The following CSMD1 variants were observed in gnomAD, a reference collection of about 807,000 sequenced individuals.
The protein encoded by CSMD1 is CUB and Sushi multiple domains 1.
Under a neutral mutation model 417.5 loss-of-function variants are expected in CSMD1, and 213 were observed. The ratio of observed to expected loss-of-function variants is 0.51; its 90% CI spans 0.46 to 0.57. The LOEUF (loss-of-function observed/expected upper bound fraction) is 0.57, where lower values mean the gene tolerates loss of function less well. Among genes scored for constraint, CSMD1 ranks in the 20% least tolerant of loss-of-function variants. The pLI is 0.00. For missense variants in CSMD1, 6,923 were observed against 4,529.7 expected, an observed-to-expected ratio of 1.53 and a Z score of -15.17; for synonymous variants, 2,862 against 1,736.8, an observed-to-expected ratio of 1.65 and a Z score of -16.11.
chr8:3,949,324 T>G (rs1811447411), intron 5 of CSMD1, among the ~76,000 whole-genome samples: 1 of 152,174 alleles, frequency 6.6e-6, no homozygotes, highest in African/African-American at 2.4e-5. Context: ...CACTGAAATG[T>G]TGTAGCCTCT....
intron 3 of CSMD1, among the ~76,000 whole-genome samples, chr8:4,208,788 G>C (rs906549825): frequency 2.6e-5 from 4 of 152,290 alleles, no homozygotes; most frequent in African/African-American, 7.2e-5. Context: ...ATCAGAAGAA[G>C]AACATCTAGA....
intron 10 of CSMD1, among the ~76,000 whole-genome samples, chr8:3,553,928 C>T (rs10101348): frequency 0.46 from 70,567 of 151,982 alleles, 16,895 homozygotes; most frequent in East Asian, 0.55. Context: ...CAGACTTCTA[C>T]GTAATGGGGC....
intron 3 of CSMD1, among the ~76,000 whole-genome samples, chr8:4,367,482 T>C (rs760575954): frequency 6.6e-6 from 1 of 152,198 alleles, no homozygotes; most frequent in Non-Finnish European, 1.5e-5. Flanking sequence ...CAGTTTGAAA[T>C]CGGGTAGTGT....
intron 25 of CSMD1, among the ~76,000 whole-genome samples, chr8:3,296,131 C>G (rs912110905): frequency 6.6e-6 from 1 of 151,932 alleles, no homozygotes; most frequent in African/African-American, 2.4e-5. Flanking sequence ...GGAAAAGAAT[C>G]ACTGGGATAC....
At chr8:4,084,278 A>G (rs1419084541) in intron 3 of CSMD1, among the ~76,000 whole-genome samples, 3 of 151,990 alleles carry the variant, frequency 2.0e-5, no homozygotes, top group African/African-American at 4.8e-5. Context: ...AAAAATTGGA[A>G]AAATCTTTCA....
At chr8:3,812,237 G>T (rs990135301) in intron 5 of CSMD1, among the ~76,000 whole-genome samples, 4 of 152,102 alleles carry the variant, frequency 2.6e-5, no homozygotes, top group African/African-American at 9.7e-5. Context: ...ATACAGGAAA[G>T]GGAACTTCAC....
rs1252066787 is a variant in CSMD1, at chr8:3,586,145, T to G, written c.1213A>C (p.Ile405Leu). The G allele has an allele frequency of 6.8e-6, 11 of 1,612,130 alleles. No individual in the cohort carries two copies. Among genetic ancestry groups the G allele is most frequent in the Non-Finnish European group, 9.3e-6 (11 of 1,179,182 alleles). Residue 405 changes from isoleucine (I) to leucine (L), a missense_variant, in exon 9 of 70, where the codon ATC (isoleucine) becomes CTC (leucine). Ile to Leu is a conservative substitution (Grantham distance 5). Transcript: ENST00000635120. Reference sequence around the variant, plus strand: ...ACCGCAGGTGCCTTACCTCGGCAGATGGGCCTGTGGTCACTCCAAGCAGCG... The same window carrying G: ...ACCGCAGGTGCCTTACCTCGGCAGAGGGGCCTGTGGTCACTCCAAGCAGCG... ...TLAAWSDHRP[I>L]CRARTCGSNL...
At chr8:4,230,142 C>G (rs867684073) in intron 3 of CSMD1, among the ~76,000 whole-genome samples, 6 of 152,162 alleles carry the variant, frequency 3.9e-5, no homozygotes, top group Non-Finnish European at 8.8e-5. Flanking sequence ...AATGTGATGA[C>G]ATATTGCAGT....
At chr8:4,656,875 G>T (rs940265572) in intron 1 of CSMD1, among the ~76,000 whole-genome samples, 3 of 151,968 alleles carry the variant, frequency 2.0e-5, no homozygotes, top group Admixed American at 6.6e-5. Flanking sequence ...ATCAGCAGGG[G>T]CCCCCAACAT....
intron 1 of CSMD1, among the ~76,000 whole-genome samples, chr8:4,947,887 G>C (rs1349544119): frequency 6.6e-6 from 1 of 151,982 alleles, no homozygotes. Context: ...ATATTGCAAG[G>C]TGTGCGTCCA....
chr8:4,601,443 C>T (rs1427656238), intron 2 of CSMD1, among the ~76,000 whole-genome samples: 1 of 152,134 alleles, frequency 6.6e-6, no homozygotes, highest in Non-Finnish European at 1.5e-5. Flanking sequence ...CTACAGGGAT[C>T]ATCTCATCTG....
chr8:4,336,989 C>A (rs1800211640), intron 3 of CSMD1, among the ~76,000 whole-genome samples: 1 of 151,992 alleles, frequency 6.6e-6, no homozygotes, highest in South Asian at 2.1e-4. Context: ...TGTTTTCTTC[C>A]CAGAATGGCT....
intron 10 of CSMD1, among the ~76,000 whole-genome samples, chr8:3,527,839 C>T (rs1797818240): frequency 6.6e-6 from 1 of 152,222 alleles, no homozygotes; most frequent in African/African-American, 2.4e-5. Flanking sequence ...AGATGTGCAT[C>T]TCTTAACAGA....
At chr8:3,441,194 C>T (rs557146312) in intron 12 of CSMD1, among the ~76,000 whole-genome samples, 2 of 151,990 alleles carry the variant, frequency 1.3e-5, no homozygotes, top group Admixed American at 6.6e-5. Flanking sequence ...TTTCTCTCCC[C>T]GGGAGATCTG....
At chr8:4,156,607 A>G (rs904702090) in intron 3 of CSMD1, among the ~76,000 whole-genome samples, 1 of 152,048 alleles carries the variant, frequency 6.6e-6, no homozygotes, top group African/African-American at 2.4e-5. Flanking sequence ...ACAATATTAA[A>G]AACAATGGGA....
chr8:3,414,549 T>C (rs968517967), intron 12 of CSMD1, among the ~76,000 whole-genome samples: 6 of 152,180 alleles, frequency 3.9e-5, no homozygotes, highest in Non-Finnish European at 7.4e-5. Flanking sequence ...CCATTTTCTG[T>C]GTTGCAGCCA....
At chr8:3,977,725 A>T (rs1272711425) in intron 5 of CSMD1, among the ~76,000 whole-genome samples, 1 of 152,204 alleles carries the variant, frequency 6.6e-6, no homozygotes, top group African/African-American at 2.4e-5. Context: ...TGGAAATGAA[A>T]TATTAATTTT....
chr8:4,561,761 C>A (rs922642169), intron 2 of CSMD1, among the ~76,000 whole-genome samples: 1 of 152,158 alleles, frequency 6.6e-6, no homozygotes, highest in Non-Finnish European at 1.5e-5. Flanking sequence ...ATTTTGCAGA[C>A]ACTTTACCTG....
chr8:4,464,181 G>T (rs745590662), intron 2 of CSMD1, among the ~76,000 whole-genome samples: 2 of 152,110 alleles, frequency 1.3e-5, no homozygotes, highest in South Asian at 2.1e-4. Context: ...TTCACTTACA[G>T]GACTCTAATT....
Sources: allele counts gnomAD v4.1 joint callset (sites outside exome capture counted in the v4.1 genomes callset), GRCh38; gene constraint gnomAD v4.1.1; transcripts MANE v1.5; gene names NCBI Gene and HGNC (gene_info 2026-07-23, HGNC 2026-07-21).